Variants in NXPH1 observed in about 807,000 individuals in gnomAD.
NXPH1 encodes the protein neurexophilin 1, also known as neurexophilin-1.
In NXPH1, 5 loss-of-function variants were observed where a neutral mutation model predicts 23.7. The observed-to-expected ratio is 0.21, with a 90% CI of 0.11 to 0.44. NXPH1 has a LOEUF of 0.44. NXPH1 is among the 20% of genes least tolerant of loss of function. The pLI is 0.99. For synonymous variants in NXPH1, 144 were observed against 122.2 expected, an observed-to-expected ratio of 1.18 and a Z score of -1.18; for missense variants, 324 against 321.6, an observed-to-expected ratio of 1.01 and a Z score of -0.06.
chr7:8,482,056 C>G (rs763603490), intron 2 of NXPH1, among the ~76,000 whole-genome samples: 1 of 152,146 alleles, frequency 6.6e-6, no homozygotes, highest in Non-Finnish European at 1.5e-5. Flanking sequence ...AGCATCTGGT[C>G]AATGTAGGCA....
At chr7:8,663,422 T>A (rs1168232802) in intron 2 of NXPH1, among the ~76,000 whole-genome samples, 2 of 152,120 alleles carry the variant, frequency 1.3e-5, no homozygotes, top group African/African-American at 4.8e-5. Flanking sequence ...CATTGTAGAT[T>A]AATTCCAAGT....
intron 2 of NXPH1, among the ~76,000 whole-genome samples, chr7:8,662,706 G>A (rs1275255845): frequency 1.3e-5 from 2 of 151,992 alleles, no homozygotes; most frequent in African/African-American, 2.4e-5. Flanking sequence ...GTCAGGGCTG[G>A]CTGGCTGACT....
At chr7:8,738,461 C>T (rs931821400) in intron 2 of NXPH1, among the ~76,000 whole-genome samples, 4 of 152,202 alleles carry the variant, frequency 2.6e-5, no homozygotes, top group Admixed American at 6.5e-5. Flanking sequence ...GGCTGCAGAA[C>T]AGCAAAGATT....
At chr7:8,633,131 T>C (rs1001838643) in intron 2 of NXPH1, among the ~76,000 whole-genome samples, 2 of 152,138 alleles carry the variant, frequency 1.3e-5, no homozygotes, top group Non-Finnish European at 2.9e-5. Flanking sequence ...CCATAATGTA[T>C]CATTAAAATA....
At chr7:8,744,962 C>T (rs1353358875) in intron 2 of NXPH1, among the ~76,000 whole-genome samples, 1 of 152,090 alleles carries the variant, frequency 6.6e-6, no homozygotes, top group African/African-American at 2.4e-5. Context: ...TCTATTAAAC[C>T]ACCCTTTAAT....
intron 2 of NXPH1, among the ~76,000 whole-genome samples, chr7:8,739,192 A>AAC (rs1583255376): frequency 6.7e-6 from 1 of 149,314 alleles, no homozygotes; most frequent in East Asian, 2.0e-4. Flanking sequence ...AAAAAAAAAA[A>AAC]AAAAAAAAAA....
chr7:8,575,367 T>C (rs1385048625), intron 2 of NXPH1, among the ~76,000 whole-genome samples: 1 of 152,190 alleles, frequency 6.6e-6, no homozygotes, highest in African/African-American at 2.4e-5. Context: ...TGTGAATTTA[T>C]ACCTCTGGGT....
At chr7:8,582,656 AG>A (rs1281623604) in intron 2 of NXPH1, among the ~76,000 whole-genome samples, 5 of 152,048 alleles carry the variant, frequency 3.3e-5, no homozygotes, top group Non-Finnish European at 2.9e-5. Flanking sequence ...GGCTGTGTCT[AG>A]GGGGTTTTTA....
At chr7:8,652,933 A>AT (rs199600750) in intron 2 of NXPH1, among the ~76,000 whole-genome samples, 20 of 149,854 alleles carry the variant, frequency 1.3e-4, no homozygotes, top group Non-Finnish European at 2.2e-4. Context: ...TTCTGCTTTG[A>AT]TTTTTTTAAT....
At chr7:8,617,479 AAAG>A (rs1422171497) in intron 2 of NXPH1, among the ~76,000 whole-genome samples, 4 of 152,256 alleles carry the variant, frequency 2.6e-5, no homozygotes, top group African/African-American at 7.2e-5. Context: ...CAGCCATAAA[AAAG>A]AAGGAGATCC....
At chr7:8,607,487 C>T (rs1377277313) in intron 2 of NXPH1, among the ~76,000 whole-genome samples, 1 of 152,208 alleles carries the variant, frequency 6.6e-6, no homozygotes, top group Non-Finnish European at 1.5e-5. Flanking sequence ...ATAATTACTA[C>T]AGACCACATT....
chr7:8,620,026 C>T (rs1819831184), intron 2 of NXPH1, among the ~76,000 whole-genome samples: 1 of 152,116 alleles, frequency 6.6e-6, no homozygotes, highest in Admixed American at 6.5e-5. Flanking sequence ...TACTGCTGTG[C>T]TGTAATGTGT....
chr7:8,657,372 T>C (rs1248134639), intron 2 of NXPH1, among the ~76,000 whole-genome samples: 1 of 152,238 alleles, frequency 6.6e-6, no homozygotes, highest in Admixed American at 6.5e-5. Context: ...TGAAACTTCC[T>C]GCCTTAGGTT....
chr7:8,692,065 G>A (rs1320728192), intron 2 of NXPH1, among the ~76,000 whole-genome samples: 2 of 151,944 alleles, frequency 1.3e-5, no homozygotes, highest in African/African-American at 2.4e-5. Flanking sequence ...GCAGGTTCTA[G>A]GCACCAGAAG....
chr7:8,486,620 G>T (rs1030972662), intron 2 of NXPH1, among the ~76,000 whole-genome samples: 1 of 152,096 alleles, frequency 6.6e-6, no homozygotes, highest in African/African-American at 2.4e-5. Flanking sequence ...TTAATTAAGC[G>T]AGATAATAAA....
At chr7:8,621,548 C>T (rs1377975429) in intron 2 of NXPH1, among the ~76,000 whole-genome samples, 1 of 148,902 alleles carries the variant, frequency 6.7e-6, no homozygotes, top group African/African-American at 2.5e-5. Flanking sequence ...AGTGTGATGG[C>T]ACGATCTTGG....
intron 2 of NXPH1, among the ~76,000 whole-genome samples, chr7:8,561,915 A>G (rs1818452606): frequency 6.6e-6 from 1 of 151,772 alleles, no homozygotes; most frequent in African/African-American, 2.4e-5. Flanking sequence ...AGTATTGTAT[A>G]TATTTAACAA....
chr7:8,681,457 T>C (rs964259211), intron 2 of NXPH1, among the ~76,000 whole-genome samples: 3 of 152,174 alleles, frequency 2.0e-5, no homozygotes, highest in Non-Finnish European at 4.4e-5. Context: ...TTGTAATATA[T>C]AGTTCAATGA....
intron 2 of NXPH1, among the ~76,000 whole-genome samples, chr7:8,693,430 A>G (rs1334811068): frequency 6.6e-6 from 1 of 152,178 alleles, no homozygotes; most frequent in East Asian, 1.9e-4. Flanking sequence ...TGTAATGTCT[A>G]AATCATAGTG....
Sources: gnomAD v4.1 joint callset for allele counts (sites outside exome capture counted in the v4.1 genomes callset) on GRCh38, gnomAD v4.1.1 for gene constraint, MANE v1.5 for transcripts, NCBI Gene and HGNC (gene_info 2026-07-23, HGNC 2026-07-21) for gene names.